The following RHOH variants were observed in gnomAD, a reference collection of about 807,000 sequenced individuals.
RHOH encodes the protein rho-related GTP-binding protein RhoH.
Under a neutral mutation model 13.8 loss-of-function variants are expected in RHOH, and 6 were observed. The observed-to-expected ratio is 0.44, with a 90% confidence interval of 0.24 to 0.86. The LOEUF (loss-of-function observed/expected upper bound fraction) is 0.86. Ranked by LOEUF, RHOH falls within the 40% of genes least tolerant of loss-of-function variation. The pLI, the probability that RHOH is intolerant of heterozygous loss-of-function variation, is 0.24. For missense variants in RHOH, 147 were observed against 244.5 expected, an observed-to-expected ratio of 0.60 and a Z score of 2.66; for synonymous variants, 117 against 103.0, an observed-to-expected ratio of 1.14 and a Z score of -0.82.
At chr4:40,229,277 A>G (rs1307322781) in intron 1 of RHOH, among the ~76,000 whole-genome samples, 2 of 152,178 alleles carry the variant, frequency 1.3e-5, no homozygotes, top group African/African-American at 2.4e-5. Flanking sequence ...TATAGCGTAA[A>G]GTATACTTTT....
intron 1 of RHOH, among the ~76,000 whole-genome samples, chr4:40,238,640 G>T (rs892065823): frequency 2.0e-5 from 3 of 152,164 alleles, no homozygotes; most frequent in Non-Finnish European, 4.4e-5. Flanking sequence ...AGAGGAAAAA[G>T]GGCAAGAGCA....
At chr4:40,213,363 T>A in intron 1 of RHOH, among the ~76,000 whole-genome samples, 1 of 149,976 alleles carries the variant, frequency 6.7e-6, no homozygotes, top group African/African-American at 2.4e-5. Context: ...CGTTTCTCTT[T>A]TTTTTTTTTT....
At chr4:40,191,697 T>C (rs1417623624), upstream of RHOH, among the ~76,000 whole-genome samples, 1 of 152,170 alleles carries the variant, frequency 6.6e-6, no homozygotes, top group Non-Finnish European at 1.5e-5. Context: ...AGGATGTGAA[T>C]GTTTGCTAGA....
At chr4:40,233,281 G>A (rs2381492) in intron 1 of RHOH, among the ~76,000 whole-genome samples, 95,866 of 151,872 alleles carry the variant, frequency 0.63, 31,242 homozygotes, top group Non-Finnish European at 0.7. Context: ...GGTAGGCACC[G>A]TTATTATTGC....
intron 1 of RHOH, among the ~76,000 whole-genome samples, chr4:40,230,387 G>A (rs748110690): frequency 6.6e-6 from 1 of 151,938 alleles, no homozygotes; most frequent in African/African-American, 2.4e-5. Flanking sequence ...ATGGAGTGCA[G>A]TAGTGTGATC....
intron 1 of RHOH, among the ~76,000 whole-genome samples, chr4:40,234,744 CTTTT>C (rs549802852): frequency 5.9e-5 from 6 of 101,062 alleles, no homozygotes; most frequent in Non-Finnish European, 1.1e-4. Context: ...AAATCAGCAT[CTTTT>C]TTTTTTTTTT....
At chr4:40,227,538 T>C (rs1727397440) in intron 1 of RHOH, among the ~76,000 whole-genome samples, 2 of 152,210 alleles carry the variant, frequency 1.3e-5, no homozygotes, top group Non-Finnish European at 2.9e-5. Flanking sequence ...AGGCATCTCA[T>C]CATGCTGAGT....
At chr4:40,231,595 C>T (rs954456205) in intron 1 of RHOH, among the ~76,000 whole-genome samples, 1 of 152,208 alleles carries the variant, frequency 6.6e-6, no homozygotes, top group African/African-American at 2.4e-5. Context: ...TGTTTGCCAG[C>T]AGCTTCTCCC....
At chr4:40,194,183 C>A (rs1251770857), upstream of RHOH, among the ~76,000 whole-genome samples, 1 of 151,848 alleles carries the variant, frequency 6.6e-6, no homozygotes, top group Admixed American at 6.6e-5. Flanking sequence ...AACTTTTTAT[C>A]CTGAATTTTC....
At chr4:40,220,606 G>A (rs1486736309) in intron 1 of RHOH, among the ~76,000 whole-genome samples, 2 of 151,512 alleles carry the variant, frequency 1.3e-5, no homozygotes, top group African/African-American at 4.9e-5. Flanking sequence ...TATTAACTAA[G>A]TAAAAAAAAA....
chr4:40,196,163 G>A (rs571980743), upstream of RHOH, among the ~76,000 whole-genome samples: 12 of 152,254 alleles, frequency 7.9e-5, no homozygotes, highest in African/African-American at 2.9e-4. Flanking sequence ...GTGTGGGGCC[G>A]ATGCACTGAT....
chr4:40,209,001 AT>A (rs1724962140), intron 1 of RHOH, among the ~76,000 whole-genome samples: 1 of 152,008 alleles, frequency 6.6e-6, no homozygotes, highest in African/African-American at 2.4e-5. Flanking sequence ...AATGTTTTTC[AT>A]TTTTTCCTGT....
intron 1 of RHOH, among the ~76,000 whole-genome samples, chr4:40,198,837 CT>C (rs1355693575): frequency 6.6e-6 from 1 of 152,184 alleles, no homozygotes; most frequent in African/African-American, 2.4e-5. Flanking sequence ...GTGCTACTTT[CT>C]TTGCATGTCT....
rs757854141 is a variant in RHOH at position 40,244,012 on chromosome 4, G to T, written c.*50G>T. 1 of 1,469,652 alleles carries T rather than the reference G, an allele frequency of 6.8e-7. No individual in the cohort carries two copies. The highest frequency in any genetic ancestry group is 2.1e-5 in the Admixed American group (1 of 47,460). The allele number at this position is 1,469,652 out of a possible 1,614,324, so 91.0% of individuals were successfully genotyped here. On this transcript the variant is annotated 3_prime_UTR_variant, in exon 3 of 3. Coordinates refer to ENST00000381799, the MANE Select transcript of RHOH (RefSeq NM_004310.5). ...TTATGTATGCACCCCAAAGACTAATGGGGAGAGGGAGGGCCGGGAAGCCAG... is the reference window on the plus strand; with the variant it reads ...TTATGTATGCACCCCAAAGACTAATTGGGAGAGGGAGGGCCGGGAAGCCAG...
intron 1 of RHOH, among the ~76,000 whole-genome samples, chr4:40,239,880 GAA>G (rs34980124): frequency 4.4e-5 from 6 of 136,798 alleles, no homozygotes; most frequent in African/African-American, 7.7e-5. Flanking sequence ...TCCGTCTCAA[GAA>G]AAAAAAAAAA....
chr4:40,211,367 G>C (rs1725251391), intron 1 of RHOH, among the ~76,000 whole-genome samples: 1 of 152,086 alleles, frequency 6.6e-6, no homozygotes, highest in African/African-American at 2.4e-5. Flanking sequence ...CTGGGCTCAA[G>C]AGATTCTTGT....
At chr4:40,235,590 C>CAAAAAAAAAA (rs34336418) in intron 1 of RHOH, among the ~76,000 whole-genome samples, 2 of 74,780 alleles carry the variant, frequency 2.7e-5, no homozygotes, top group Admixed American at 1.8e-4. Context: ...AACTTCATCT[C>CAAAAAAAAAA]AAAAAAAAAA....
At chr4:40,225,039 G>A (rs1727051885) in intron 1 of RHOH, among the ~76,000 whole-genome samples, 2 of 152,136 alleles carry the variant, frequency 1.3e-5, no homozygotes, top group South Asian at 4.1e-4. Context: ...CTCCTGAGTA[G>A]CTAAGGCTAC....
chr4:40,211,598 A>G (rs143050409), intron 1 of RHOH, among the ~76,000 whole-genome samples: 235 of 152,272 alleles, frequency 1.5e-3, no homozygotes, highest in Middle Eastern at 0.014. Flanking sequence ...TTTAAGCGTC[A>G]TAGGTGATGT....
Sources: allele counts gnomAD v4.1 joint callset (sites outside exome capture counted in the v4.1 genomes callset), GRCh38; gene constraint gnomAD v4.1.1; transcripts MANE v1.5; gene names NCBI Gene and HGNC (gene_info 2026-07-23, HGNC 2026-07-21).